C1orf105: variants seen among roughly 807,000 people sequenced by gnomAD.
The protein encoded by C1orf105 is chromosome 1 open reading frame 105.
A neutral mutation model predicts 20.8 loss-of-function variants in C1orf105; 17 were observed. The ratio of observed to expected loss-of-function variants is 0.82; its 90% CI spans 0.56 to 1.23. The LOEUF (loss-of-function observed/expected upper bound fraction) is 1.23, where lower values mean the gene tolerates loss of function less well. C1orf105 is among the 50% of genes most tolerant of loss of function. C1orf105 has a pLI of 0.00. For synonymous variants in C1orf105, 72 were observed against 72.1 expected (o/e 1.00, Z 0.01); for missense variants, 219 against 213.5 (o/e 1.03, Z -0.16).
chr1:172,466,402 A>C (rs2149196755), intron 6 of C1orf105, among the ~76,000 whole-genome samples: 1 of 152,302 alleles, frequency 6.6e-6, no homozygotes, highest in Middle Eastern at 3.4e-3. Flanking sequence ...AAAGCTACCC[A>C]ATCTGCTGTT....
At chr1:172,438,935 CGCATTTTTAGCAAGAAA>C (rs2072128541) in intron 1 of C1orf105, among the ~76,000 whole-genome samples, 2 of 152,190 alleles carry the variant, frequency 1.3e-5, no homozygotes, top group African/African-American at 4.8e-5. Flanking sequence ...GATGATTGTT[CGCATTTTTAGCAAGAAA>C]GCATTTTTAA....
Position 172,445,164 on chromosome 1 carries a change from C to T in C1orf105, c.107+6C>T. On this transcript the variant is annotated splice_donor_region_variant and intron_variant, in intron 2 of 6. Coordinates refer to ENST00000367727, the MANE Select transcript of C1orf105 (RefSeq NM_139240.4). ...GTGCTCAGCCTTCCCAGAAGGTAAC[C>T]TCTCAGCCACCGAGGGCAAAAGTTT... The T allele has an allele frequency of 1.2e-6, 2 of 1,605,288 alleles. No individual in the cohort carries two copies. Among genetic ancestry groups the T allele is most frequent in the South Asian group, 1.1e-5 (1 of 89,596 alleles).
chr1:172,451,867 CTTT>C (rs11462736), intron 3 of C1orf105, among the ~76,000 whole-genome samples: 1 of 85,196 alleles, frequency 1.2e-5, no homozygotes, highest in African/African-American at 4.8e-5. Flanking sequence ...TATATGGATT[CTTT>C]TTTTTTTTTT....
chr1:172,454,590 T>C (rs1338090201), intron 3 of C1orf105, among the ~76,000 whole-genome samples: 4 of 152,104 alleles, frequency 2.6e-5, no homozygotes, highest in Non-Finnish European at 4.4e-5. Context: ...CTACATTCAC[T>C]TACCCGAAGC....
At chr1:172,467,752 G>A (rs1650164903) in intron 6 of C1orf105, among the ~76,000 whole-genome samples, 1 of 152,162 alleles carries the variant, frequency 6.6e-6, no homozygotes, top group Non-Finnish European at 1.5e-5. Context: ...AGAGAATTCA[G>A]AGTTCCAATT....
chr1:172,428,648 C>A, intron 1 of C1orf105: 1 of 490,460 alleles, frequency 2.0e-6, no homozygotes, highest in South Asian at 3.2e-5. Context: ...CCCATGAGAC[C>A]TACTCTGACC....
intron 1 of C1orf105, among the ~76,000 whole-genome samples, chr1:172,437,818 A>G (rs2072092290): frequency 6.6e-6 from 1 of 151,928 alleles, no homozygotes; most frequent in Non-Finnish European, 1.5e-5. Context: ...TACACTCAAC[A>G]ATAGATATTC....
chr1:172,430,371 G>A, intron 1 of C1orf105: 2 of 687,548 alleles, frequency 2.9e-6, no homozygotes, highest in South Asian at 1.5e-5. Flanking sequence ...CAGCAGTTAA[G>A]GGCTCTGGAT....
intron 3 of C1orf105, chr1:172,451,045 A>G (rs906289550): frequency 1.8e-4 from 28 of 152,296 alleles, no homozygotes; most frequent in African/African-American, 6.5e-4. Flanking sequence ...AGAAACAGAA[A>G]GGTGCATCAT....
At chr1:172,421,445 A>G (rs1208802381) in intron 1 of C1orf105, among the ~76,000 whole-genome samples, 2 of 152,214 alleles carry the variant, frequency 1.3e-5, no homozygotes, top group Non-Finnish European at 2.9e-5. Flanking sequence ...CTATTACCAT[A>G]GTACAGGTGC....
chr1:172,446,361 C>T (rs1158069752), intron 2 of C1orf105, among the ~76,000 whole-genome samples: 2 of 152,150 alleles, frequency 1.3e-5, no homozygotes, highest in Non-Finnish European at 2.9e-5. Flanking sequence ...CACAAACTCA[C>T]AGGCCCATGA....
intron 5 of C1orf105, among the ~76,000 whole-genome samples, chr1:172,462,801 C>G (rs1445519268): frequency 6.6e-6 from 1 of 152,000 alleles, no homozygotes; most frequent in African/African-American, 2.4e-5. Flanking sequence ...GAGATGGAGT[C>G]TCTCTCTGTT....
intron 1 of C1orf105, among the ~76,000 whole-genome samples, chr1:172,425,286 A>G (rs537223788): frequency 6.6e-6 from 1 of 152,344 alleles, no homozygotes; most frequent in African/African-American, 2.4e-5. Context: ...TGCTGAGCAC[A>G]TGCCAGCCAA....
Position 172,460,316 on chromosome 1 carries a change from GCTAGAAGCT to G in C1orf105, c.274-1860_274-1852del, listed in dbSNP as rs1649599357. ...TACTCATATTCCTATGTAACCTTGG[GCTAGAAGCT>G]CAATCATTCAGTGCAGAAGAAATAC... On this transcript the variant is annotated intron_variant, in intron 4 of 6. Transcript: ENST00000367727. Among the ~76,000 whole-genome samples, 6 of 152,246 alleles carry G rather than the reference GCTAGAAGCT, an allele frequency of 3.9e-5. 1 individual carries two copies. In the South Asian group the frequency reaches 1.2e-3, roughly 32 times the overall value.
At chr1:172,422,503 C>A (rs1410913736) in intron 1 of C1orf105, among the ~76,000 whole-genome samples, 1 of 152,088 alleles carries the variant, frequency 6.6e-6, no homozygotes, top group East Asian at 1.9e-4. Context: ...ATACCGTGGG[C>A]CTCAGCTGAA....
At chr1:172,464,373 T>C (rs916428447) in intron 5 of C1orf105, among the ~76,000 whole-genome samples, 14 of 152,212 alleles carry the variant, frequency 9.2e-5, no homozygotes, top group Non-Finnish European at 2.9e-5. Flanking sequence ...CGGAAGATCT[T>C]TGTGGAAGCA....
intron 3 of C1orf105, among the ~76,000 whole-genome samples, chr1:172,455,996 A>G (rs1281345283): frequency 2.0e-5 from 3 of 152,214 alleles, no homozygotes; most frequent in African/African-American, 4.8e-5. Context: ...TTAGGCCATC[A>G]GAGATCCTCA....
At chr1:172,439,978 A>G (rs1019252035) in intron 1 of C1orf105, among the ~76,000 whole-genome samples, 3 of 152,192 alleles carry the variant, frequency 2.0e-5, no homozygotes, top group African/African-American at 7.2e-5. Flanking sequence ...GTCCTTGGAT[A>G]TAGAAAGCAG....
rs1650245903 is a variant in C1orf105 at position 172,468,691 on chromosome 1, T to C, written c.*97T>C. Reference sequence around the variant, plus strand: ...CACCTTCTCCTCACAATTTTCTCTCTTCTCCCAAAAGATGATTTAATTTTG... The same window carrying C: ...CACCTTCTCCTCACAATTTTCTCTCCTCTCCCAAAAGATGATTTAATTTTG... On this transcript the variant is annotated 3_prime_UTR_variant, in exon 7 of 7. Coordinates refer to ENST00000367727, the MANE Select transcript of C1orf105 (RefSeq NM_139240.4). 1 of 1,348,308 alleles carries C rather than the reference T, an allele frequency of 7.4e-7. No homozygotes were observed. The highest frequency in any genetic ancestry group is 2.3e-5 in the East Asian group (1 of 42,882). The allele number at this position is 1,348,308 out of a possible 1,614,324, so 83.5% of individuals were successfully genotyped here. A position where few individuals can be genotyped will look rare whatever the true frequency, so the allele number is the denominator to read the frequency against.
Sources: gnomAD v4.1 joint callset for allele counts (sites outside exome capture counted in the v4.1 genomes callset) on GRCh38, gnomAD v4.1.1 for gene constraint, MANE v1.5 for transcripts, NCBI Gene and HGNC (gene_info 2026-07-23, HGNC 2026-07-21) for gene names.